RPS6KC1: variants seen among roughly 807,000 people sequenced by gnomAD.
RPS6KC1 encodes the protein ribosomal protein S6 kinase C1.
Under a neutral mutation model 103.8 loss-of-function variants are expected in RPS6KC1, and 54 were observed. The observed-to-expected ratio is 0.52, with a 90% confidence interval of 0.42 to 0.65. RPS6KC1 has a LOEUF of 0.65. RPS6KC1 is among the 30% of genes least tolerant of loss of function. RPS6KC1 has a pLI of 0.00. For missense variants in RPS6KC1, 1,151 were observed against 1,253.8 expected (o/e 0.92, Z 1.24); for synonymous variants, 439 against 438.7 (o/e 1.00, Z -0.01).
the RPS6KC1 span, among the ~76,000 whole-genome samples, chr1:213,718,817 C>G: frequency 2.0e-5 from 3 of 152,198 alleles, no homozygotes; most frequent in South Asian, 6.2e-4. Context: ...TGGTTAACAA[C>G]GCAGATTTGG....
downstream of RPS6KC1, among the ~76,000 whole-genome samples, chr1:213,275,196 C>T (rs989819140): frequency 6.6e-6 from 1 of 152,178 alleles, no homozygotes; most frequent in Non-Finnish European, 1.5e-5. Flanking sequence ...TTTTGTTTAG[C>T]CATTCATCTG....
chr1:213,780,719 G>A, the RPS6KC1 span, among the ~76,000 whole-genome samples: 2 of 152,136 alleles, frequency 1.3e-5, no homozygotes, highest in Non-Finnish European at 2.9e-5. Flanking sequence ...GAGGTTCAAA[G>A]GGACGAGAAT....
At chr1:213,548,625 C>A in the RPS6KC1 span, among the ~76,000 whole-genome samples, 1 of 152,118 alleles carries the variant, frequency 6.6e-6, no homozygotes, top group Non-Finnish European at 1.5e-5. Context: ...CGTGCCACTG[C>A]ACTCCAGCCT....
In RPS6KC1 at chr1:213,051,508, G is replaced by A; in HGVS notation, c.104G>A (p.Arg35Gln). 2 of 1,605,932 alleles carry A rather than the reference G, an allele frequency of 1.2e-6. No homozygotes were observed. The highest frequency in any genetic ancestry group is 1.7e-6 in the Non-Finnish European group (2 of 1,174,414). ...TACACAGTATATAAGGTCACCGCCC[G>A]GGTGAGTGCCGGTGTCGGGCTGGGG... ...RGYTVYKVTA[R>Q]VVSRRNPEDV... is the part of the protein sequence containing the mutation. Residue 35 changes from arginine to glutamine, a missense_variant and splice_region_variant, in exon 1 of 15, where the codon CGG becomes CAG. Arg to Gln is a conservative substitution (Grantham distance 43). This residue lies in a region of RPS6KC1 where 959 missense variants were observed against 1,006.3 expected (regional missense o/e 0.95). Transcript: ENST00000366960.
In RPS6KC1 at chr1:213,150,295, G is replaced by GTTATTTAT. The variant is rs138250765; in HGVS notation, c.836-17536_836-17529dup. ...TTATTTTTTTGTATGTACATTATATGTTATTTATTTATTTATTTATTTATT... is the reference window on the plus strand; with the variant it reads ...TTATTTTTTTGTATGTACATTATATGTTATTTATTTATTTATTTATTTATTTATTTATT... On this transcript the variant is annotated intron_variant, in intron 6 of 14. Coordinates refer to ENST00000366960, the MANE Select transcript of RPS6KC1 (RefSeq NM_012424.6). Among the ~76,000 whole-genome samples the GTTATTTAT allele has an allele frequency of 4.6e-3, 687 of 148,070 alleles. 1 individual carries two copies. The highest frequency in any genetic ancestry group is 0.014 in the African/African-American group (562 of 40,466).
At chr1:213,725,653 G>C in the RPS6KC1 span, among the ~76,000 whole-genome samples, 3 of 152,158 alleles carry the variant, frequency 2.0e-5, no homozygotes, top group Non-Finnish European at 4.4e-5. Flanking sequence ...ATGAAGACTG[G>C]AAGTTAACTA....
the RPS6KC1 span, among the ~76,000 whole-genome samples, chr1:213,778,700 A>T: frequency 1.3e-5 from 2 of 152,246 alleles, no homozygotes; most frequent in African/African-American, 4.8e-5. Flanking sequence ...AATCAGTGAG[A>T]TCCAAGAAGT....
the RPS6KC1 span, among the ~76,000 whole-genome samples, chr1:213,363,678 CT>C: frequency 2.9e-5 from 3 of 104,522 alleles, no homozygotes; most frequent in African/African-American, 4.9e-5. Flanking sequence ...TTCTTTCTTT[CT>C]TTCTTTCTTT....
chr1:213,526,791 G>T, the RPS6KC1 span, among the ~76,000 whole-genome samples: 1 of 152,094 alleles, frequency 6.6e-6, no homozygotes, highest in African/African-American at 2.4e-5. Flanking sequence ...GGAAATTGAG[G>T]CAAAACCTTT....
the RPS6KC1 span, among the ~76,000 whole-genome samples, chr1:213,412,883 A>G: frequency 2.0e-5 from 3 of 152,086 alleles, no homozygotes; most frequent in Admixed American, 6.5e-5. Context: ...CAGCTGAGAA[A>G]CACTCCCCCC....
chr1:213,560,847 C>A, the RPS6KC1 span, among the ~76,000 whole-genome samples: 2 of 152,178 alleles, frequency 1.3e-5, no homozygotes, highest in South Asian at 4.1e-4. Flanking sequence ...TTGGGTAACT[C>A]ACCCTTTCAT....
Position 213,077,755 on chromosome 1 carries a change from T to G in RPS6KC1, c.201T>G (p.Ile67Met). Residue 67 changes from isoleucine to methionine, a missense_variant, in exon 3 of 15, where the codon ATT becomes ATG. Physicochemically the swap from Ile to Met is conservative, Grantham distance 10 (BLOSUM62 1). Around this residue, in one of 3 missense-constraint regions of RPS6KC1, gnomAD observed 959 missense variants for 1,006.3 expected, o/e 0.95. Transcript: ENST00000366960. ...AACTACACAAAGAACTATGGCAAAT[T>G]CACAAAAACTTATTCCGACATTCAG... ...FKKLHKELWQ[I>M]HKNLFRHSEL... is the part of the protein sequence containing the mutation. 1 of 1,554,210 alleles carries G rather than the reference T, an allele frequency of 6.4e-7. No homozygotes were observed. The highest frequency in any genetic ancestry group is 8.8e-7 in the Non-Finnish European group (1 of 1,137,568).
At chr1:213,571,384 C>A in the RPS6KC1 span, among the ~76,000 whole-genome samples, 41 of 152,080 alleles carry the variant, frequency 2.7e-4, no homozygotes, top group African/African-American at 9.2e-4. Context: ...CAATAAGAGG[C>A]GGAGAGGGCC....
chr1:213,073,938 A>G (rs2079090809), intron 2 of RPS6KC1, among the ~76,000 whole-genome samples: 1 of 152,160 alleles, frequency 6.6e-6, no homozygotes, highest in African/African-American at 2.4e-5. Flanking sequence ...GGCCTCCCAA[A>G]ATGCTGTGAT....
At chr1:213,431,250 A>G in the RPS6KC1 span, among the ~76,000 whole-genome samples, 263 of 152,184 alleles carry the variant, frequency 1.7e-3, no homozygotes, top group Middle Eastern at 3.4e-3. Flanking sequence ...TAGGTTATTG[A>G]TTTCTTATTT....
the RPS6KC1 span, among the ~76,000 whole-genome samples, chr1:213,490,055 CT>C: frequency 7.9e-5 from 12 of 152,138 alleles, no homozygotes; most frequent in Admixed American, 2.0e-4. Context: ...AGGACAAAGA[CT>C]GCAGTTAGTC....
In RPS6KC1 at chr1:213,230,736, T is replaced by C. The variant is rs865898498; in HGVS notation, c.1092+192T>C. ...TATAATCCCAGCTACCCGGGAGACTTAGGCAGGAGAATCGCTTGAACCCAG... is the reference window on the plus strand; with the variant it reads ...TATAATCCCAGCTACCCGGGAGACTCAGGCAGGAGAATCGCTTGAACCCAG... On this transcript the variant is annotated intron_variant, in intron 9 of 14. Coordinates refer to ENST00000366960, the MANE Select transcript of RPS6KC1 (RefSeq NM_012424.6). Among the ~76,000 whole-genome samples the C allele has an allele frequency of 4.0e-5, 6 of 148,438 alleles. No individual in the cohort carries two copies. In the South Asian group the frequency reaches 8.5e-4, roughly 21 times the overall value.
the RPS6KC1 span, among the ~76,000 whole-genome samples, chr1:213,374,369 C>T: frequency 6.6e-6 from 1 of 152,200 alleles, no homozygotes; most frequent in Admixed American, 6.5e-5. Context: ...ACTTAACATA[C>T]AATACTTTTC....
At chr1:213,110,397 T>G (rs1158663886) in intron 4 of RPS6KC1, among the ~76,000 whole-genome samples, 1 of 152,204 alleles carries the variant, frequency 6.6e-6, no homozygotes, top group African/African-American at 2.4e-5. Flanking sequence ...GTTTAGTAAC[T>G]AATACTTTTT....
Sources: gnomAD v4.1 joint callset for allele counts (sites outside exome capture counted in the v4.1 genomes callset) on GRCh38, gnomAD v4.1.1 for gene constraint, gnomAD v4.1.1 regional missense constraint, MANE v1.5 for transcripts, NCBI Gene and HGNC (gene_info 2026-07-23, HGNC 2026-07-21) for gene names.